AIRE: variants seen among roughly 807,000 people sequenced by gnomAD.
The protein encoded by AIRE is autoimmune regulator, also known as autoimmune polyendocrinopathy candidiasis ectodermal dystrophy protein.
In AIRE, 52 loss-of-function variants were observed where a neutral mutation model predicts 62.1. That is an observed-to-expected ratio of 0.84 (90% CI 0.67 to 1.06). The LOEUF (loss-of-function observed/expected upper bound fraction) is 1.06, where lower values mean the gene tolerates loss of function less well. Among genes scored for constraint, AIRE ranks in the 50% least tolerant of loss-of-function variants. The probability of loss-of-function intolerance (pLI) is 0.00; values close to 1 mark genes in which losing one functional copy is unlikely to be tolerated. For synonymous variants in AIRE, 342 were observed against 321.6 expected, an observed-to-expected ratio of 1.06 and a Z score of -0.68; for missense variants, 774 against 755.8, an observed-to-expected ratio of 1.02 and a Z score of -0.28.
chr21:44,290,652 G>A, intron 7 of AIRE: 1 of 1,139,574 alleles, frequency 8.8e-7, no homozygotes, highest in Non-Finnish European at 1.2e-6. Context: ...GGGGATTCTG[G>A]AGGAAGTGGT....
intron 5 of AIRE, 151 bp from the exon 6 acceptor site, chr21:44,289,506 C>CGTATCA: frequency 1.1e-6 from 1 of 936,922 alleles, no homozygotes; most frequent in Non-Finnish European, 1.5e-6. Context: ...ATCCCCGGGC[C>CGTATCA]CCAGACTCGA....
chr21:44,290,105 C>A (rs752898603), intron 7 of AIRE, 37 bp downstream of exon 7: 1 of 1,594,950 alleles, frequency 6.3e-7, no homozygotes, highest in Non-Finnish European at 8.6e-7. Context: ...CCCTGTCTGC[C>A]CTTGCTCCCC....
chr21:44,287,481 A>G lies in AIRE; in HGVS notation c.464-36A>G, dbSNP rs1007440250. Reference sequence around the variant, plus strand: ...CCCACCGGCACTCACCCCCACTGAGAGGGGAGGCCAGGCTGCCCCCAGCTC... The same window carrying G: ...CCCACCGGCACTCACCCCCACTGAGGGGGGAGGCCAGGCTGCCCCCAGCTC... On this transcript the variant is annotated intron_variant, in intron 3 of 13. Coordinates refer to ENST00000291582, the MANE Select transcript of AIRE (RefSeq NM_000383.4). This position sits in a 1 kb window ranked among gnomAD's most constrained non-coding sequence, Gnocchi z 4.3. The G allele has an allele frequency of 1.0e-5, 15 of 1,482,566 alleles. No homozygotes were observed. Among genetic ancestry groups the G allele is most frequent in the Non-Finnish European group, 1.4e-5 (15 of 1,086,908 alleles). The allele number at this position is 1,482,566 out of a possible 1,614,324, so 91.8% of individuals were successfully genotyped here. A position where few individuals can be genotyped will look rare whatever the true frequency, so the allele number is the denominator to read the frequency against.
In AIRE at chr21:44,286,850, C is replaced by T. The variant is rs1317939047; in HGVS notation, c.307+119C>T. ...GAGCCCGTGGGTGATGTTCCAGGAC[C>T]GTCTTGGATCCTAAGAGGCAAAGGG... On this transcript the variant is annotated intron_variant, in intron 2 of 13. Coordinates refer to ENST00000291582, the MANE Select transcript of AIRE (RefSeq NM_000383.4). This position sits in a 1 kb window ranked among gnomAD's most constrained non-coding sequence, Gnocchi z 6.0. 5.3e-5 allele frequency: 82 copies of T among 1,559,246 alleles called. No homozygotes were observed. The highest frequency in any genetic ancestry group is 8.2e-5 in the African/African-American group (6 of 73,606).
chr21:44,289,528 G>A (rs2040514447), intron 5 of AIRE, 129 bp from the exon 6 acceptor site: 4 of 1,332,072 alleles, frequency 3.0e-6, no homozygotes, highest in African/African-American at 1.4e-5. Context: ...TGGGGTGGGG[G>A]CGGGCTGGAG....
intron 8 of AIRE, among the ~76,000 whole-genome samples, 169 bp from the exon 9 acceptor site, chr21:44,292,132 TC>T (rs1046881437): frequency 6.6e-6 from 1 of 151,992 alleles, no homozygotes; most frequent in African/African-American, 2.4e-5. Flanking sequence ...AGGGTAAATG[TC>T]CCCCTGCTGG....
intron 7 of AIRE, 178 bp from the exon 8 acceptor site, chr21:44,290,917 A>T: frequency 6.2e-6 from 10 of 1,611,134 alleles, no homozygotes; most frequent in Non-Finnish European, 7.6e-6. Context: ...GACCAGATGG[A>T]TGGGGAACAG....
chr21:44,292,979 C>T lies in AIRE; in HGVS notation c.1096-14C>T, dbSNP rs199996043. 3 of 1,611,648 alleles carry T rather than the reference C, an allele frequency of 1.9e-6. No homozygotes were observed. The African/African-American group carries it at 4.0e-5, about 22-fold the overall frequency. On this transcript the variant is annotated splice_polypyrimidine_tract_variant and intron_variant, in intron 9 of 13. Transcript: ENST00000291582. ...GCGCCCGCTGCCCCTCTGATGCTGACCCTTGGGTTCCAGCTCCCCCCGGGG... is the reference window on the plus strand; with the variant it reads ...GCGCCCGCTGCCCCTCTGATGCTGATCCTTGGGTTCCAGCTCCCCCCGGGG...
chr21:44,292,499 G>A (rs2040553616), intron 9 of AIRE, 98 bp downstream of exon 9: 3 of 831,104 alleles, frequency 3.6e-6, no homozygotes, highest in South Asian at 3.0e-5. Context: ...TCTGTCCCCT[G>A]GAGTCCTGTG....
In AIRE at chr21:44,294,534, C is replaced by T. The variant is rs550628649; in HGVS notation, c.1503+31C>T. Reference sequence around the variant, plus strand: ...TGCCGCAGGGGCCCTCCATGCATGCCGGTGCTGGGGGTGGGGAACCCCTTG... The same window carrying T: ...TGCCGCAGGGGCCCTCCATGCATGCTGGTGCTGGGGGTGGGGAACCCCTTG... On this transcript the variant is annotated intron_variant, in intron 12 of 13. Transcript: ENST00000291582. 51 of 1,268,700 alleles carry T rather than the reference C, an allele frequency of 4.0e-5. No individual in the cohort carries two copies. In the Middle Eastern group the frequency reaches 9.3e-4, roughly 23 times the overall value. 78.6% of individuals were successfully genotyped at this position (1,268,700 alleles called of 1,614,324 possible). A position where few individuals can be genotyped will look rare whatever the true frequency, so the allele number is the denominator to read the frequency against.
At chr21:44,292,871 A>ACCATGCCAGCCCTCCGCCCCCC in intron 9 of AIRE, 122 bp from the exon 10 acceptor site, 2 of 817,740 alleles carry the variant, frequency 2.4e-6, no homozygotes, top group Non-Finnish European at 2.0e-6. Flanking sequence ...CTCCGCCCCC[A>ACCATGCCAGCCCTCCGCCCCCC]CCATGCCAGG....
chr21:44,289,613 C>T (rs755765711), intron 5 of AIRE, 44 bp from the exon 6 acceptor site: 4 of 1,611,244 alleles, frequency 2.5e-6, no homozygotes, highest in South Asian at 1.1e-5. Context: ...CAAGGCAGGT[C>T]CTGCTGGGCG....
chr21:44,296,826 T>TGG (rs60326748), intron 13 of AIRE, among the ~76,000 whole-genome samples: 5 of 140,556 alleles, frequency 3.6e-5, no homozygotes, highest in Non-Finnish European at 7.8e-5. Context: ...GGCGTGGGAG[T>TGG]GGGGGGGGGG....
chr21:44,292,497 C>G (rs2040553566), intron 9 of AIRE, 96 bp downstream of exon 9: 1 of 854,564 alleles, frequency 1.2e-6, no homozygotes, highest in South Asian at 1.5e-5. Flanking sequence ...CGTCTGTCCC[C>G]TGGAGTCCTG....
chr21:44,286,270 A>G lies in AIRE; in HGVS notation c.132+132A>G. 9.2e-7 allele frequency: 1 copy of G among 1,087,262 alleles called. No individual in the cohort carries two copies. Among genetic ancestry groups the G allele is most frequent in the Non-Finnish European group, 1.3e-6 (1 of 752,884 alleles). 67.4% of individuals were successfully genotyped at this position (1,087,262 alleles called of 1,614,324 possible). On this transcript the variant is annotated intron_variant, in intron 1 of 13. Transcript: ENST00000291582. The surrounding 1 kb of genome is among the most constrained non-coding windows in gnomAD (Gnocchi z 6.0). ...AGCCTTCCCCAACTCCCTCCCCACA[A>G]GGAGCCAGGGGCGTCCCTGATGACA...
rs1349328799 is a variant in AIRE at position 44,285,931 on chromosome 21, C to T, written c.-76C>T. ...GAGGCCCCACAGCCCCGCCGGGACCCGAGGCCAAGCGAGGGGCTGCCAGTG... is the reference window on the plus strand; with the variant it reads ...GAGGCCCCACAGCCCCGCCGGGACCTGAGGCCAAGCGAGGGGCTGCCAGTG... On this transcript the variant is annotated 5_prime_UTR_variant, in exon 1 of 14. Transcript: ENST00000291582. 1.4e-6 allele frequency: 2 copies of T among 1,436,208 alleles called. No individual in the cohort carries two copies. Among genetic ancestry groups the T allele is most frequent in the South Asian group, 1.3e-5 (1 of 77,758 alleles). The allele number at this position is 1,436,208 out of a possible 1,614,324, so 89.0% of individuals were successfully genotyped here.
intron 5 of AIRE, 194 bp from the exon 6 acceptor site, chr21:44,289,463 C>T (rs886139622): frequency 3.3e-5 from 22 of 662,194 alleles, no homozygotes; most frequent in East Asian, 1.9e-4. Flanking sequence ...CTTCGGGGGA[C>T]GCTGTTGAAC....
Position 44,287,482 on chromosome 21 carries a change from G to A in AIRE, c.464-35G>A. ...CCACCGGCACTCACCCCCACTGAGA[G>A]GGGAGGCCAGGCTGCCCCCAGCTCC... On this transcript the variant is annotated intron_variant, in intron 3 of 13. Coordinates refer to ENST00000291582, the MANE Select transcript of AIRE (RefSeq NM_000383.4). The surrounding 1 kb of genome is among the most constrained non-coding windows in gnomAD (Gnocchi z 4.3). 1.3e-6 allele frequency: 2 copies of A among 1,510,346 alleles called. No individual in the cohort carries two copies. Among genetic ancestry groups the A allele is most frequent in the Non-Finnish European group, 9.0e-7 (1 of 1,111,824 alleles). The allele number at this position is 1,510,346 out of a possible 1,614,324, so 93.6% of individuals were successfully genotyped here.
rs1198669147 is a variant in AIRE, at chr21:44,297,909, C to A, written c.*182C>A. 9.2e-6 allele frequency: 6 copies of A among 649,100 alleles called. No homozygotes were observed. The highest frequency in any genetic ancestry group is 8.5e-5 in the South Asian group (5 of 58,748). The allele number at this position is 649,100 out of a possible 1,614,324, so 40.2% of individuals were successfully genotyped here. On this transcript the variant is annotated 3_prime_UTR_variant, in exon 14 of 14. Transcript: ENST00000291582. The surrounding 1 kb of genome is among the most constrained non-coding windows in gnomAD (Gnocchi z 4.8). The stretch of plus-strand genomic sequence containing the variant: ...AGCCATCATGTGCCTGGAAATTAAA[C>A]CCTGCCCCACTTCTCTACTCTGGAA...
Sources: allele counts gnomAD v4.1 joint callset (sites outside exome capture counted in the v4.1 genomes callset), GRCh38; gene constraint gnomAD v4.1.1; non-coding constraint Gnocchi (gnomAD v3.1); transcripts MANE v1.5; gene names NCBI Gene and HGNC (gene_info 2026-07-23, HGNC 2026-07-21).